Variants in PRPF31 observed in about 807,000 individuals in gnomAD.
The protein encoded by PRPF31 is U4/U6 small nuclear ribonucleoprotein Prp31.
A neutral mutation model predicts 60.4 loss-of-function variants in PRPF31; 12 were observed. The observed-to-expected ratio is 0.20, with a 90% CI of 0.13 to 0.32. The LOEUF is 0.32. PRPF31 is among the 10% of genes least tolerant of loss of function. PRPF31 has a pLI of 1.00. For missense variants in PRPF31, 431 were observed against 687.1 expected (o/e 0.63, Z 4.17); for synonymous variants, 287 against 287.9 (o/e 1.00, Z 0.03).
At chr19:54,124,396 G>A in intron 7 of PRPF31, 103 bp from the exon 8 acceptor site, 1 of 1,099,752 alleles carries the variant, frequency 9.1e-7, no homozygotes, top group Non-Finnish European at 1.4e-6. Flanking sequence ...AGAACTTCAT[G>A]TAAAGGTGCC....
Position 54,124,000 on chromosome 19 carries a change from T to A in PRPF31, c.697+82T>A. On this transcript the variant is annotated intron_variant, in intron 7 of 13. Transcript: ENST00000321030. ...GAAAGCTACATCCTTTTCTGTAGAATGGGGGCTTTGGCACCTGGACCTCAG... is the reference window on the plus strand; with the variant it reads ...GAAAGCTACATCCTTTTCTGTAGAAAGGGGGCTTTGGCACCTGGACCTCAG... 1.9e-6 allele frequency: 3 copies of A among 1,590,278 alleles called. 1 individual carries two copies. The South Asian group carries it at 3.3e-5, about 18-fold the overall frequency.
chr19:54,130,611 C>G (rs2074028652), intron 13 of PRPF31, among the ~76,000 whole-genome samples: 1 of 149,668 alleles, frequency 6.7e-6, no homozygotes, highest in South Asian at 2.1e-4. Flanking sequence ...GGCGACAGAG[C>G]CAGACTCTGT....
At chr19:54,122,183 G>A (rs987519457) in intron 4 of PRPF31, 24 of 631,886 alleles carry the variant, frequency 3.8e-5, no homozygotes, top group Non-Finnish European at 6.2e-5. Flanking sequence ...TTTCCATCCT[G>A]TTGGTCGGCC....
chr19:54,124,545 C>A lies in PRPF31; in HGVS notation c.744C>A (p.Asn248Lys). ...LTNLSKMPACNIMLLGAQRKT... is the reference protein window; with the variant it reads ...LTNLSKMPACKIMLLGAQRKT... ...ACCTCTCCAAGATGCCCGCCTGCAA[C>A]ATCATGCTGCTCGGGGCCCAGCGCA... The change falls in exon 8 of 14, where the codon AAC (asparagine) becomes AAA (lysine). Residue 248 changes from asparagine to lysine, a missense_variant. Physicochemically the swap from Asn to Lys is moderately conservative, Grantham distance 94. Coordinates refer to ENST00000321030, the MANE Select transcript of PRPF31 (RefSeq NM_015629.4). 6.2e-7 allele frequency: 1 copy of A among 1,612,302 alleles called. No individual in the cohort carries two copies. Among genetic ancestry groups the A allele is most frequent in the East Asian group, 2.2e-5 (1 of 44,870 alleles).
In PRPF31 at chr19:54,131,506, G is replaced by T. The variant is rs944951741; in HGVS notation, c.*74G>T. 1 of 1,573,488 alleles carries T rather than the reference G, an allele frequency of 6.4e-7. No individual in the cohort carries two copies. ...CCAGTCCTTCTGAAGGGCTAGGATCGGGTTCTGGCAGGGAGAACCTGCCCT... is the reference window on the plus strand; with the variant it reads ...CCAGTCCTTCTGAAGGGCTAGGATCTGGTTCTGGCAGGGAGAACCTGCCCT... On this transcript the variant is annotated 3_prime_UTR_variant, in exon 14 of 14. Transcript: ENST00000321030.
intron 11 of PRPF31, 135 bp downstream of exon 11, chr19:54,128,512 C>CCG: frequency 1.1e-6 from 1 of 929,836 alleles, no homozygotes; most frequent in Middle Eastern, 3.2e-4. Context: ...TCCCCCCCCC[C>CCG]GGCCTCTATT....
rs587757028 is a variant in PRPF31 at position 54,129,052 on chromosome 19, C to A, written c.1147-5C>A. On this transcript the variant is annotated splice_polypyrimidine_tract_variant and splice_region_variant and intron_variant, in intron 11 of 13. Transcript: ENST00000321030. ...GAACTGCAGGGCGCCTCCTCTCCCCCCTAGATCGAGGAGGACGCCTACCAG... is the reference window on the plus strand; with the variant it reads ...GAACTGCAGGGCGCCTCCTCTCCCCACTAGATCGAGGAGGACGCCTACCAG... The A allele has an allele frequency of 2.8e-5, 44 of 1,568,270 alleles. 1 individual carries two copies. Among genetic ancestry groups the A allele is most frequent in the Middle Eastern group, 1.7e-4 (1 of 5,964 alleles).
chr19:54,123,675 G>C lies in PRPF31; in HGVS notation c.528-74G>C, dbSNP rs587681517. ...ATACACACATGCACACACACACACA[G>C]AACCGAGAGGGCTGGGGCTGGGCAC... On this transcript the variant is annotated intron_variant, in intron 6 of 13. Coordinates refer to ENST00000321030, the MANE Select transcript of PRPF31 (RefSeq NM_015629.4). The C allele has an allele frequency of 2.2e-4, 344 of 1,565,686 alleles. 2 individuals carry two copies. The East Asian group carries it at 3.4e-3, about 15-fold the overall frequency.
At chr19:54,127,045 G>T (rs189521124) in intron 9 of PRPF31, among the ~76,000 whole-genome samples, 214 of 152,288 alleles carry the variant, frequency 1.4e-3, no homozygotes, top group African/African-American at 4.9e-3. Context: ...GCTTGAACCT[G>T]GGAGACGGAG....
intron 7 of PRPF31, chr19:54,124,206 C>T (rs2073863808): frequency 1.5e-6 from 1 of 666,702 alleles, no homozygotes; most frequent in Non-Finnish European, 2.5e-6. Context: ...TTCCAAAACA[C>T]AGCCATCCCT....
At position 54,129,158 on chromosome 19, in the gene PRPF31, C is replaced by T; in HGVS notation, c.1248C>T (p.Thr416=). ...RVRQTQVNEA[T]KARISKTLQR... is the part of the protein sequence containing the mutation. ...GGCAGACACAGGTAAACGAGGCCAC[C>T]AAGGCCAGGATCTCCAAGACGCTGC... is the stretch of plus-strand genomic sequence containing the variant. The change falls in exon 12 of 14, where the codon ACC becomes ACT. Residue 416 remains threonine, a synonymous_variant. Coordinates refer to ENST00000321030, the MANE Select transcript of PRPF31 (RefSeq NM_015629.4). 2 of 1,583,472 alleles carry T rather than the reference C, an allele frequency of 1.3e-6. No individual in the cohort carries two copies. Among genetic ancestry groups the T allele is most frequent in the Non-Finnish European group, 1.7e-6 (2 of 1,165,416 alleles).
Position 54,131,366 on chromosome 19 carries a change from G to A in PRPF31, c.1434G>A (p.Lys478=). The part of the protein sequence containing the change: ...AEKKVAEANQ[K]YFSSMAEFLK... ...AGAAGGTGGCTGAGGCCAACCAGAA[G>A]TATTTCTCCAGCATGGCTGAGTTCC... The change falls in exon 14 of 14, where the codon AAG becomes AAA. Residue 478 remains lysine (K), a synonymous_variant. Coordinates refer to ENST00000321030, the MANE Select transcript of PRPF31 (RefSeq NM_015629.4). 1 of 1,614,100 alleles carries A rather than the reference G, an allele frequency of 6.2e-7. No individual in the cohort carries two copies. Among genetic ancestry groups the A allele is most frequent in the Non-Finnish European group, 8.5e-7 (1 of 1,180,030 alleles).
intron 9 of PRPF31, among the ~76,000 whole-genome samples, chr19:54,126,888 T>G (rs1224174251): frequency 6.6e-6 from 1 of 152,158 alleles, no homozygotes; most frequent in Admixed American, 6.5e-5. Flanking sequence ...CCCAGCACTT[T>G]GGGAGGCCAG....
At chr19:54,127,448 G>A (rs1308661555) in intron 9 of PRPF31, among the ~76,000 whole-genome samples, 1 of 152,160 alleles carries the variant, frequency 6.6e-6, no homozygotes, top group African/African-American at 2.4e-5. Flanking sequence ...CTACTCAGAT[G>A]GTCCAGGATA....
Position 54,123,465 on chromosome 19 carries a change from C to T in PRPF31, c.432C>T (p.Asn144=). 1 of 1,614,118 alleles carries T rather than the reference C, an allele frequency of 6.2e-7. No homozygotes were observed. ...DYIRTVKELG[N]SLDKCKNNEN... The stretch of plus-strand genomic sequence containing the variant: ...CTGCTCGCCCCCAGGAGCTGGGCAA[C>T]AGCCTGGACAAGTGCAAGAACAATG... The change falls in exon 6 of 14, where the codon AAC becomes AAT. Residue 144 remains asparagine, a synonymous_variant. Coordinates refer to ENST00000321030, the MANE Select transcript of PRPF31 (RefSeq NM_015629.4).
intron 11 of PRPF31, among the ~76,000 whole-genome samples, chr19:54,128,598 G>T: frequency 7.0e-6 from 1 of 142,590 alleles, no homozygotes; most frequent in East Asian, 2.1e-4. Context: ...TAGAGCCCCC[G>T]CGGCTTCCCA....
At position 54,121,850 on chromosome 19, in the gene PRPF31, G is replaced by A. The variant is rs2073797881; in HGVS notation, c.239-10G>A. ...TAGATACTCACACCCATGCCTCCGT[G>A]TCCTCACAGTGATGGGACCAGTGGA... On this transcript the variant is annotated splice_polypyrimidine_tract_variant and intron_variant, in intron 3 of 13. Transcript: ENST00000321030. 1 of 1,607,090 alleles carries A rather than the reference G, an allele frequency of 6.2e-7. No homozygotes were observed. Among genetic ancestry groups the A allele is most frequent in the Admixed American group, 1.7e-5 (1 of 59,016 alleles).
At chr19:54,127,960 C>A in intron 9 of PRPF31, 113 bp from the exon 10 acceptor site, 1 of 1,418,974 alleles carries the variant, frequency 7.0e-7, no homozygotes, top group Middle Eastern at 2.4e-4. Flanking sequence ...GGTGAGGCAG[C>A]ATTAGGTGCT....
At chr19:54,124,434 T>G in intron 7 of PRPF31, 65 bp from the exon 8 acceptor site, 11 of 1,343,382 alleles carry the variant, frequency 8.2e-6, no homozygotes, top group Non-Finnish European at 1.2e-5. Context: ...CCAGGCAGAT[T>G]TACTCACCCC....
Sources: allele counts gnomAD v4.1 joint callset (sites outside exome capture counted in the v4.1 genomes callset), GRCh38; gene constraint gnomAD v4.1.1; transcripts MANE v1.5; gene names NCBI Gene and HGNC (gene_info 2026-07-23, HGNC 2026-07-21).